Variants in ZBTB7C observed in about 807,000 individuals in gnomAD.
ZBTB7C encodes the protein zinc finger and BTB domain-containing protein 7C.
A neutral mutation model predicts 25.7 loss-of-function variants in ZBTB7C; 8 were observed. That is an observed-to-expected ratio of 0.31 (90% CI 0.18 to 0.56). The LOEUF is 0.56. Ranked by LOEUF, ZBTB7C falls within the 20% of genes least tolerant of loss-of-function variation. ZBTB7C has a pLI of 0.91. For missense variants in ZBTB7C, 824 were observed against 855.2 expected (o/e 0.96, Z 0.46); for synonymous variants, 394 against 369.0 (o/e 1.07, Z -0.78).
At chr18:48,041,565 C>T (rs994853912) in intron 3 of ZBTB7C, 6 of 980,806 alleles carry the variant, frequency 6.1e-6, no homozygotes, top group Non-Finnish European at 6.1e-6. Context: ...TGATTTGTCT[C>T]ACAAATCCTC....
In ZBTB7C at chr18:48,041,133, C is replaced by G. The variant is rs745777062; in HGVS notation, c.-16-10G>C. The G allele has an allele frequency of 3.3e-5, 52 of 1,568,834 alleles. No homozygotes were observed. Among genetic ancestry groups the G allele is most frequent in the Middle Eastern group, 1.7e-4 (1 of 5,880 alleles). On this transcript the variant is annotated splice_polypyrimidine_tract_variant and intron_variant, in intron 3 of 4. Coordinates refer to ENST00000590800, the MANE Select transcript of ZBTB7C (RefSeq NM_001318841.2). ...GTTCTCAGCCAGAGCCCTGCAGAGA[C>G]ACACAGAGAAGAAGACTGGGTTAGT...
chr18:48,092,069 T>C (rs572747414), intron 3 of ZBTB7C, among the ~76,000 whole-genome samples: 1 of 152,316 alleles, frequency 6.6e-6, no homozygotes, highest in African/African-American at 2.4e-5. Context: ...ATTAACATGC[T>C]GATATTGCAA....
intron 1 of ZBTB7C, among the ~76,000 whole-genome samples, chr18:48,392,226 G>A (rs1337960889): frequency 6.6e-6 from 1 of 151,840 alleles, no homozygotes; most frequent in Non-Finnish European, 1.5e-5. Flanking sequence ...ACCACACATT[G>A]GGTGTCTAAT....
At chr18:48,054,136 G>A (rs1425071751) in intron 3 of ZBTB7C, among the ~76,000 whole-genome samples, 6 of 152,198 alleles carry the variant, frequency 3.9e-5, no homozygotes, top group African/African-American at 1.4e-4. Flanking sequence ...TTGGGCGTGG[G>A]TGGGACGGTG....
At chr18:48,283,821 T>A (rs2044946010) in intron 2 of ZBTB7C, among the ~76,000 whole-genome samples, 1 of 152,104 alleles carries the variant, frequency 6.6e-6, no homozygotes, top group Non-Finnish European at 1.5e-5. Flanking sequence ...TGAAGATGTA[T>A]AAATATCATG....
upstream of ZBTB7C, among the ~76,000 whole-genome samples, chr18:48,412,000 T>C (rs2048386132): frequency 1.3e-5 from 2 of 152,252 alleles, no homozygotes; most frequent in Admixed American, 1.3e-4. Context: ...TTAACAGTTA[T>C]CAGCCATGTA....
chr18:48,309,210 C>T (rs771127498), intron 2 of ZBTB7C, among the ~76,000 whole-genome samples: 38 of 152,308 alleles, frequency 2.5e-4, no homozygotes, highest in Non-Finnish European at 4.4e-4. Context: ...GGAGGCTTCC[C>T]GGAGACCACT....
intron 2 of ZBTB7C, among the ~76,000 whole-genome samples, chr18:48,188,220 T>C (rs2042110720): frequency 6.6e-6 from 1 of 152,172 alleles, no homozygotes; most frequent in Non-Finnish European, 1.5e-5. Flanking sequence ...CTCATACTGA[T>C]AATAAAGACA....
intron 3 of ZBTB7C, among the ~76,000 whole-genome samples, chr18:48,104,060 T>C (rs1441429014): frequency 1.3e-5 from 2 of 152,200 alleles, no homozygotes; most frequent in Non-Finnish European, 2.9e-5. Flanking sequence ...AAACTTTGAA[T>C]GGCACACTTT....
At chr18:48,155,403 C>T (rs1329457722) in intron 3 of ZBTB7C, among the ~76,000 whole-genome samples, 1 of 144,694 alleles carries the variant, frequency 6.9e-6, no homozygotes, top group African/African-American at 2.6e-5. Flanking sequence ...TCTTGGCTCA[C>T]TGCAAGCTCC....
intron 3 of ZBTB7C, among the ~76,000 whole-genome samples, chr18:48,087,484 C>G (rs1295312834): frequency 6.6e-6 from 1 of 152,130 alleles, no homozygotes; most frequent in Non-Finnish European, 1.5e-5. Context: ...TGGCAGAGGC[C>G]AAAGGAGGCA....
intron 3 of ZBTB7C, among the ~76,000 whole-genome samples, chr18:48,104,892 G>A (rs181166801): frequency 4.4e-4 from 67 of 152,248 alleles, no homozygotes; most frequent in African/African-American, 1.5e-3. Flanking sequence ...GCCCTGAAGC[G>A]CCAGGTGGCT....
At chr18:48,335,551 G>T (rs2046440114) in intron 2 of ZBTB7C, among the ~76,000 whole-genome samples, 4 of 152,124 alleles carry the variant, frequency 2.6e-5, no homozygotes, top group South Asian at 4.2e-4. Context: ...TTATTCAAGA[G>T]AATGTCCCCA....
intron 3 of ZBTB7C, among the ~76,000 whole-genome samples, chr18:48,163,558 A>G (rs879432427): frequency 3.9e-5 from 6 of 152,184 alleles, no homozygotes; most frequent in Non-Finnish European, 8.8e-5. Flanking sequence ...CAGCTGTCCC[A>G]CTGATTGTGT....
At chr18:48,226,328 C>G (rs1252495116) in intron 2 of ZBTB7C, among the ~76,000 whole-genome samples, 1 of 152,162 alleles carries the variant, frequency 6.6e-6, no homozygotes, top group Non-Finnish European at 1.5e-5. Context: ...ACAATGACAA[C>G]CTCAAATGGC....
In ZBTB7C at chr18:48,190,388, C is replaced by T. The variant is rs182351504; in HGVS notation, c.-78-4393G>A. Among the ~76,000 whole-genome samples the T allele has an allele frequency of 1.1e-4, 16 of 152,258 alleles. No homozygotes were observed. In the East Asian group the frequency reaches 3.1e-3, roughly 29 times the overall value. ...ATTCAACACATTTGTTGAGTACCTG[C>T]TGGGGATGCAGATATGAAAAGGTGT... On this transcript the variant is annotated intron_variant, in intron 2 of 4. Transcript: ENST00000590800.
chr18:48,042,029 CAG>C (rs2036268702), intron 3 of ZBTB7C, among the ~76,000 whole-genome samples: 1 of 152,180 alleles, frequency 6.6e-6, no homozygotes, highest in Admixed American at 6.5e-5. Flanking sequence ...CAGGGCACGA[CAG>C]GGGACAACTG....
At chr18:48,229,654 A>G (rs1193348642) in intron 2 of ZBTB7C, among the ~76,000 whole-genome samples, 3 of 152,242 alleles carry the variant, frequency 2.0e-5, no homozygotes, top group Non-Finnish European at 4.4e-5. Context: ...TGTTCCCAGA[A>G]TATTTTCACT....
intron 3 of ZBTB7C, among the ~76,000 whole-genome samples, chr18:48,181,379 T>C (rs950423696): frequency 4.6e-5 from 7 of 152,178 alleles, no homozygotes; most frequent in African/African-American, 1.7e-4. Flanking sequence ...CAGACCTGCC[T>C]GGGCTGTAGC....
Sources: allele counts gnomAD v4.1 joint callset (sites outside exome capture counted in the v4.1 genomes callset), GRCh38; gene constraint gnomAD v4.1.1; transcripts MANE v1.5; gene names NCBI Gene and HGNC (gene_info 2026-07-23, HGNC 2026-07-21).